MYO6: variants seen among roughly 807,000 people sequenced by gnomAD.
The protein encoded by MYO6 is myosin VI, also known as unconventional myosin-VI.
MYO6 carries 74 observed loss-of-function variants against 178.7 expected under a neutral mutation model. The observed-to-expected ratio is 0.41, with a 90% CI of 0.34 to 0.50. The LOEUF (loss-of-function observed/expected upper bound fraction) is 0.50, where lower values mean the gene tolerates loss of function less well. Among genes scored for constraint, MYO6 ranks in the 20% least tolerant of loss-of-function variants. The pLI is 0.09. For synonymous variants in MYO6, 477 were observed against 504.6 expected (o/e 0.95, Z 0.73); for missense variants, 1,330 against 1,547.4 (o/e 0.86, Z 2.36).
chr6:75,854,275 C>CTTTTTTTTTTTTTTTT lies in MYO6; in HGVS notation c.1079-847_1079-832dup, dbSNP rs61398235. Among the ~76,000 whole-genome samples the CTTTTTTTTTTTTTTTT allele has an allele frequency of 1.5e-4, 7 of 45,498 alleles. 1 individual carries two copies. The highest frequency in any genetic ancestry group is 5.5e-4 in the African/African-American group (5 of 9,100). 29.8% of individuals were successfully genotyped at this position (45,498 alleles called of 152,430 possible). A position where few individuals can be genotyped will look rare whatever the true frequency, so the allele number is the denominator to read the frequency against. ...CATGGGTCAAGACCTAACTGCATTG[C>CTTTTTTTTTTTTTTTT]TTTTTTTTTTTTTTTTTTTTTTTTT... On this transcript the variant is annotated intron_variant, in intron 11 of 34. Coordinates refer to ENST00000369977, the MANE Select transcript of MYO6 (RefSeq NM_004999.4).
chr6:75,886,664 TCA>T (rs1778461702), intron 24 of MYO6, among the ~76,000 whole-genome samples, 178 bp from the exon 25 acceptor site: 2 of 152,210 alleles, frequency 1.3e-5, no homozygotes, highest in African/African-American at 4.8e-5. Context: ...TTGACAGGCA[TCA>T]GTGTCATTCA....
chr6:75,902,231 T>A, intron 30 of MYO6, among the ~76,000 whole-genome samples: 1 of 152,232 alleles, frequency 6.6e-6, no homozygotes, highest in Non-Finnish European at 1.5e-5. Flanking sequence ...AGGATAATGC[T>A]GGTCTCATAA....
chr6:75,839,238 G>T (rs1461023226), intron 7 of MYO6, among the ~76,000 whole-genome samples: 1 of 151,844 alleles, frequency 6.6e-6, no homozygotes, highest in Non-Finnish European at 1.5e-5. Context: ...TCCCAGGCTG[G>T]AGTGCAGTGG....
intron 1 of MYO6, among the ~76,000 whole-genome samples, chr6:75,770,304 T>C (rs1195351133): frequency 6.6e-6 from 1 of 152,162 alleles, no homozygotes; most frequent in Non-Finnish European, 1.5e-5. Flanking sequence ...TATTCCTTCA[T>C]AGCAAGGTAA....
In MYO6 at chr6:75,870,644, C is replaced by G. The variant is rs1285253674; in HGVS notation, c.1945-3C>G. The G allele has an allele frequency of 6.2e-7, 1 of 1,611,468 alleles. No individual in the cohort carries two copies. Among genetic ancestry groups the G allele is most frequent in the African/African-American group, 1.3e-5 (1 of 74,996 alleles). On this transcript the variant is annotated splice_region_variant and splice_polypyrimidine_tract_variant and intron_variant, in intron 18 of 34. Transcript: ENST00000369977. ...TAATAAACTGATTTCCTTTCTTTCA[C>G]AGACACAGTTAAATTTGCTTCTGGA...
At chr6:75,895,028 A>G (rs944059328) in intron 28 of MYO6, among the ~76,000 whole-genome samples, 24 of 152,166 alleles carry the variant, frequency 1.6e-4, no homozygotes, top group Non-Finnish European at 2.1e-4. Flanking sequence ...TTGCTCTTTA[A>G]TTTTCACTGC....
At chr6:75,753,455 G>GTGTGTGTGTGTGTATATA (rs370647728) in intron 1 of MYO6, among the ~76,000 whole-genome samples, 3 of 140,056 alleles carry the variant, frequency 2.1e-5, no homozygotes, top group African/African-American at 8.1e-5. Flanking sequence ...GTGTGTGTGT[G>GTGTGTGTGTGTGTATATA]TATATATATA....
intron 1 of MYO6, among the ~76,000 whole-genome samples, chr6:75,777,822 C>G (rs1304612690): frequency 6.6e-6 from 1 of 152,068 alleles, no homozygotes; most frequent in Admixed American, 6.6e-5. Flanking sequence ...AAAAAGTATT[C>G]TTTGTTCTTC....
At chr6:75,761,314 A>G (rs950971475) in intron 1 of MYO6, among the ~76,000 whole-genome samples, 1 of 152,104 alleles carries the variant, frequency 6.6e-6, no homozygotes, top group South Asian at 2.1e-4. Context: ...CAGGTATGGG[A>G]GGAGGGAAAA....
intron 7 of MYO6, among the ~76,000 whole-genome samples, chr6:75,837,778 T>G (rs947126321): frequency 6.6e-6 from 1 of 152,226 alleles, no homozygotes; most frequent in African/African-American, 2.4e-5. Flanking sequence ...TACCCAGATA[T>G]GTACTTATCT....
intron 7 of MYO6, among the ~76,000 whole-genome samples, chr6:75,836,499 C>T (rs538778987): frequency 2.6e-5 from 4 of 152,226 alleles, no homozygotes; most frequent in Admixed American, 2.6e-4. Context: ...ATCATAGACT[C>T]CTGTTTTGTC....
At chr6:75,774,472 T>C (rs1206610865) in intron 1 of MYO6, among the ~76,000 whole-genome samples, 2 of 152,176 alleles carry the variant, frequency 1.3e-5, no homozygotes, top group African/African-American at 4.8e-5. Context: ...TCATTTACTT[T>C]CCATTGGATC....
intron 3 of MYO6, among the ~76,000 whole-genome samples, chr6:75,825,494 G>A (rs974529944): frequency 6.6e-6 from 1 of 152,136 alleles, no homozygotes; most frequent in African/African-American, 2.4e-5. Context: ...TTGGGAGGCC[G>A]AGGCAGGAGA....
At chr6:75,774,816 G>T (rs994974769) in intron 1 of MYO6, among the ~76,000 whole-genome samples, 2 of 150,288 alleles carry the variant, frequency 1.3e-5, no homozygotes, top group Non-Finnish European at 3.0e-5. Context: ...TTTTTTTGAC[G>T]GAGTCTCACT....
Position 75,893,451 on chromosome 6 carries a change from T to TAACC in MYO6, c.3107+763_3107+766dup, listed in dbSNP as rs144079794. 6.5e-4 allele frequency among the ~76,000 whole-genome samples: 99 copies of TAACC among 152,326 alleles called. 1 individual carries two copies. Among genetic ancestry groups the TAACC allele is most frequent in the African/African-American group, 2.2e-3 (93 of 41,570 alleles). On this transcript the variant is annotated intron_variant, in intron 28 of 34. Coordinates refer to ENST00000369977, the MANE Select transcript of MYO6 (RefSeq NM_004999.4). ...ATACTGAGAGGCACATAGACACATG[T>TAACC]AACCATGCTTTTCCGAGCTTAAAAG...
At chr6:75,793,114 A>G (rs1180866270) in intron 1 of MYO6, among the ~76,000 whole-genome samples, 1 of 152,184 alleles carries the variant, frequency 6.6e-6, no homozygotes, top group African/African-American at 2.4e-5. Context: ...CAGAGATCTC[A>G]AAAGATGTTA....
chr6:75,913,187 T>G (rs1420006455), intron 33 of MYO6, among the ~76,000 whole-genome samples: 4 of 152,172 alleles, frequency 2.6e-5, no homozygotes, highest in Admixed American at 6.5e-5. Context: ...CTAACCAAAA[T>G]TATGCTGCTA....
chr6:75,883,950 AAG>A (rs1164525085), intron 23 of MYO6, among the ~76,000 whole-genome samples: 3 of 152,346 alleles, frequency 2.0e-5, no homozygotes, highest in African/African-American at 7.2e-5. Flanking sequence ...TATAGATAAA[AAG>A]AGAACTATTA....
intron 30 of MYO6, among the ~76,000 whole-genome samples, chr6:75,900,653 G>A (rs990985359): frequency 2.6e-5 from 4 of 152,082 alleles, no homozygotes; most frequent in African/African-American, 9.7e-5. Flanking sequence ...AGATGAGTAG[G>A]TTGCGAAAAT....
Sources: allele counts gnomAD v4.1 joint callset (sites outside exome capture counted in the v4.1 genomes callset), GRCh38; gene constraint gnomAD v4.1.1; transcripts MANE v1.5; gene names NCBI Gene and HGNC (gene_info 2026-07-23, HGNC 2026-07-21).